Variants in PPP4R4 observed in about 807,000 individuals in gnomAD.
PPP4R4 encodes the protein serine/threonine-protein phosphatase 4 regulatory subunit 4.
Under a neutral mutation model 121.8 loss-of-function variants are expected in PPP4R4, and 70 were observed. The ratio of observed to expected loss-of-function variants is 0.57; its 90% CI spans 0.47 to 0.70. PPP4R4 has a LOEUF of 0.70. PPP4R4 is among the 30% of genes least tolerant of loss of function. PPP4R4 has a pLI of 0.00. For synonymous variants in PPP4R4, 348 were observed against 355.7 expected, an observed-to-expected ratio of 0.98 and a Z score of 0.24; for missense variants, 875 against 1,033.6, an observed-to-expected ratio of 0.85 and a Z score of 2.10.
intron 2 of PPP4R4, among the ~76,000 whole-genome samples, chr14:94,194,763 C>T (rs963784811): frequency 5.9e-5 from 9 of 152,040 alleles, no homozygotes; most frequent in South Asian, 4.2e-4. Context: ...TACCCCACAC[C>T]GGGCAATACT....
At chr14:94,191,123 A>G (rs1889576959) in intron 2 of PPP4R4, among the ~76,000 whole-genome samples, 1 of 152,196 alleles carries the variant, frequency 6.6e-6, no homozygotes. Flanking sequence ...TATTAATGCC[A>G]CAGGTGTACT....
intron 3 of PPP4R4, among the ~76,000 whole-genome samples, chr14:94,209,839 G>T (rs1388788410): frequency 6.6e-6 from 1 of 152,038 alleles, no homozygotes; most frequent in Non-Finnish European, 1.5e-5. Context: ...TGCACACTTT[G>T]CATTGAGCAG....
chr14:94,228,917 G>A (rs1166470011), intron 3 of PPP4R4, among the ~76,000 whole-genome samples: 1 of 152,132 alleles, frequency 6.6e-6, no homozygotes, highest in African/African-American at 2.4e-5. Flanking sequence ...CTTTCAGCTC[G>A]AAGTAGGGTC....
At chr14:94,201,439 C>A (rs570769334) in intron 2 of PPP4R4, among the ~76,000 whole-genome samples, 1 of 152,222 alleles carries the variant, frequency 6.6e-6, no homozygotes, top group South Asian at 2.1e-4. Flanking sequence ...AAGTCCCCCA[C>A]TATTATTGTG....
At chr14:94,208,224 A>G (rs1243020468) in intron 2 of PPP4R4, among the ~76,000 whole-genome samples, 1 of 152,044 alleles carries the variant, frequency 6.6e-6, no homozygotes, top group Non-Finnish European at 1.5e-5. Flanking sequence ...ACAATAGACA[A>G]TCTTGTTTCA....
intron 2 of PPP4R4, among the ~76,000 whole-genome samples, chr14:94,199,940 AG>A (rs2139426990): frequency 6.6e-6 from 1 of 152,154 alleles, no homozygotes; most frequent in East Asian, 1.9e-4. Flanking sequence ...GTGGTGGGCC[AG>A]GGTGGTCTTG....
rs72420928 is a variant in PPP4R4, at chr14:94,244,481, ACTAATTTTTATAGAAT to A, written c.1267-145_1267-130del. Among the ~76,000 whole-genome samples the A allele has an allele frequency of 8.1e-3, 1,235 of 152,320 alleles. 7 individuals are homozygous for A. Among genetic ancestry groups the A allele is most frequent in the Non-Finnish European group, 0.014 (949 of 68,026 alleles). On this transcript the variant is annotated intron_variant, in intron 11 of 24. Transcript: ENST00000304338. ...GACTAGAAAGCTGGTTATTTGTGCC[ACTAATTTTTATAGAAT>A]CTAATTTTATATTTGTGTTATAACA... is the stretch of plus-strand genomic sequence containing the variant.
At chr14:94,177,055 A>G (rs1304309301) in intron 2 of PPP4R4, among the ~76,000 whole-genome samples, 2 of 151,446 alleles carry the variant, frequency 1.3e-5, no homozygotes, top group East Asian at 3.9e-4. Context: ...GTCCCATGTT[A>G]CTCATTGAAT....
intron 2 of PPP4R4, among the ~76,000 whole-genome samples, chr14:94,196,395 C>G (rs1889878636): frequency 6.8e-6 from 1 of 146,720 alleles, no homozygotes; most frequent in Non-Finnish European, 1.5e-5. Context: ...TCACTGCAAC[C>G]TCCACCCGCC....
chr14:94,238,006 A>G (rs1324647192), intron 8 of PPP4R4, among the ~76,000 whole-genome samples: 3 of 152,208 alleles, frequency 2.0e-5, no homozygotes, highest in Non-Finnish European at 4.4e-5. Flanking sequence ...TGAGGGCCTC[A>G]TGCCACCTCG....
At chr14:94,259,992 G>A (rs1893690173) in intron 19 of PPP4R4, among the ~76,000 whole-genome samples, 1 of 152,074 alleles carries the variant, frequency 6.6e-6, no homozygotes, top group East Asian at 1.9e-4. Context: ...CTAATTTGGG[G>A]ATATTACAAA....
intron 19 of PPP4R4, among the ~76,000 whole-genome samples, chr14:94,262,411 G>T (rs1280473224): frequency 6.6e-6 from 1 of 151,796 alleles, no homozygotes; most frequent in African/African-American, 2.4e-5. Context: ...TTGTGTTAGG[G>T]ATTTCCTCTC....
At chr14:94,176,743 A>G (rs1215631456) in intron 2 of PPP4R4, among the ~76,000 whole-genome samples, 2 of 152,244 alleles carry the variant, frequency 1.3e-5, no homozygotes. Flanking sequence ...ATTGTCTTGT[A>G]GATTGAGCAT....
chr14:94,191,813 T>A (rs1000270404), intron 2 of PPP4R4, among the ~76,000 whole-genome samples: 6 of 152,176 alleles, frequency 3.9e-5, no homozygotes, highest in Non-Finnish European at 8.8e-5. Context: ...ATCATGAACA[T>A]AACTCTTACA....
chr14:94,211,257 C>T (rs1329894829), intron 3 of PPP4R4, among the ~76,000 whole-genome samples: 2 of 152,160 alleles, frequency 1.3e-5, no homozygotes, highest in African/African-American at 2.4e-5. Flanking sequence ...GTAAATCCCT[C>T]CTCACCCAAG....
intron 14 of PPP4R4, 109 bp downstream of exon 14, chr14:94,246,648 C>A: frequency 8.0e-7 from 1 of 1,243,754 alleles, no homozygotes; most frequent in Non-Finnish European, 1.1e-6. Flanking sequence ...TCATTCCATT[C>A]TACCTAGGAG....
At chr14:94,221,446 T>C (rs180739038) in intron 3 of PPP4R4, among the ~76,000 whole-genome samples, 2 of 152,018 alleles carry the variant, frequency 1.3e-5, no homozygotes, top group Non-Finnish European at 2.9e-5. Flanking sequence ...GTAAATCACA[T>C]AGATGACAAA....
At chr14:94,263,379 C>CGGGA (rs1381741505) in intron 19 of PPP4R4, among the ~76,000 whole-genome samples, 2 of 152,128 alleles carry the variant, frequency 1.3e-5, no homozygotes, top group African/African-American at 2.4e-5. Context: ...CAACCCTTCC[C>CGGGA]TGTCATCTCC....
rs148784764 is a variant in PPP4R4 at position 94,251,668 on chromosome 14, T to C, written c.1718-81T>C. 8.7e-5 allele frequency: 98 copies of C among 1,131,562 alleles called. No homozygotes were observed. The African/African-American group carries it at 1.4e-3, about 16-fold the overall frequency. 70.1% of individuals were successfully genotyped at this position (1,131,562 alleles called of 1,614,324 possible). A position where few individuals can be genotyped will look rare whatever the true frequency, so the allele number is the denominator to read the frequency against. ...ATTGTGGGTATGAAGAAACTTCTTA[T>C]GCATTTTGTGTGTCTAACTTTGTCA... On this transcript the variant is annotated intron_variant, in intron 15 of 24. Transcript: ENST00000304338.
Sources: gnomAD v4.1 joint callset for allele counts (sites outside exome capture counted in the v4.1 genomes callset) on GRCh38, gnomAD v4.1.1 for gene constraint, MANE v1.5 for transcripts, NCBI Gene and HGNC (gene_info 2026-07-23, HGNC 2026-07-21) for gene names.